Variants in ZBTB20 observed in about 807,000 individuals in gnomAD.
ZBTB20 encodes zinc finger and BTB domain-containing protein 20.
A neutral mutation model predicts 56.9 loss-of-function variants in ZBTB20; 9 were observed. That is an observed-to-expected ratio of 0.16 (90% CI 0.10 to 0.28). ZBTB20 has a LOEUF of 0.28. Ranked by LOEUF, ZBTB20 falls within the 10% of genes least tolerant of loss-of-function variation. The pLI, the probability that ZBTB20 is intolerant of heterozygous loss-of-function variation, is 1.00. For missense variants in ZBTB20, 655 were observed against 1,003.0 expected, an observed-to-expected ratio of 0.65 and a Z score of 4.69; for synonymous variants, 417 against 420.7, an observed-to-expected ratio of 0.99 and a Z score of 0.11.
At chr3:114,699,757 T>C (rs1321513522) in intron 5 of ZBTB20, among the ~76,000 whole-genome samples, 1 of 152,130 alleles carries the variant, frequency 6.6e-6, no homozygotes, top group African/African-American at 2.4e-5. Flanking sequence ...TCTGGCAATA[T>C]GTCAACAAGA....
intron 1 of ZBTB20, among the ~76,000 whole-genome samples, chr3:115,103,274 C>T (rs2083633660): frequency 6.6e-6 from 1 of 152,118 alleles, no homozygotes; most frequent in Admixed American, 6.5e-5. Flanking sequence ...CTGGTTCTGT[C>T]CCAAATTGAT....
At chr3:115,026,099 T>C (rs547102463) in intron 2 of ZBTB20, among the ~76,000 whole-genome samples, 1 of 151,018 alleles carries the variant, frequency 6.6e-6, no homozygotes, top group Non-Finnish European at 1.5e-5. Flanking sequence ...TGAGAGACAC[T>C]GAAGACCCAG....
chr3:115,033,053 G>A (rs886233017), intron 2 of ZBTB20, among the ~76,000 whole-genome samples: 1 of 144,482 alleles, frequency 6.9e-6, no homozygotes, highest in Non-Finnish European at 1.5e-5. Flanking sequence ...AGAAAAATAA[G>A]ATAAAACCAA....
chr3:114,988,533 C>T (rs1338446048), intron 2 of ZBTB20, among the ~76,000 whole-genome samples: 2 of 152,086 alleles, frequency 1.3e-5, no homozygotes, highest in Admixed American at 6.6e-5. Context: ...CAAGTCTTTG[C>T]TATTGTGAAT....
At chr3:115,044,704 A>C (rs77448080) in intron 2 of ZBTB20, among the ~76,000 whole-genome samples, 3,024 of 152,348 alleles carry the variant, frequency 0.02, 39 homozygotes, top group South Asian at 0.032. Context: ...AGTTTAAAAC[A>C]TACCTGAGGT....
At chr3:114,630,476 C>T (rs1371964920) in intron 6 of ZBTB20, among the ~76,000 whole-genome samples, 1 of 152,056 alleles carries the variant, frequency 6.6e-6, no homozygotes, top group Non-Finnish European at 1.5e-5. Context: ...TGTGTGTGTA[C>T]GTGTGTGTGT....
rs2079556332 is a variant in ZBTB20 at position 114,338,873 on chromosome 3, CG to C, written c.*131del. 8.8e-7 allele frequency: 1 copy of C among 1,130,336 alleles called. No homozygotes were observed. The highest frequency in any genetic ancestry group is 2.6e-5 in the East Asian group (1 of 38,916). 70.0% of individuals were successfully genotyped at this position (1,130,336 alleles called of 1,614,324 possible). On this transcript the variant is annotated 3_prime_UTR_variant, in exon 12 of 12. Transcript: ENST00000675478. The stretch of plus-strand genomic sequence containing the variant: ...GTTCTTCATGTAGTACAAAATGAAA[CG>C]AAACAAAAACAAAAACAGAAAGTAA...
intron 7 of ZBTB20, among the ~76,000 whole-genome samples, chr3:114,484,086 G>A (rs762142291): frequency 3.9e-5 from 6 of 152,148 alleles, no homozygotes; most frequent in Non-Finnish European, 8.8e-5. Flanking sequence ...TGAGGACGTT[G>A]CAGCCTTTAA....
intron 3 of ZBTB20, among the ~76,000 whole-genome samples, chr3:114,910,301 G>A (rs113441019): frequency 6.0e-5 from 9 of 148,862 alleles, no homozygotes; most frequent in East Asian, 3.9e-4. Flanking sequence ...ACACATGCAC[G>A]CGTGCACACA....
Position 114,499,222 on chromosome 3 carries a change from C to A in ZBTB20, c.-255+1130G>T, listed in dbSNP as rs1363948410. On this transcript the variant is annotated intron_variant, in intron 7 of 11. Transcript: ENST00000675478. ...AGGACCCACCCCTGTTGTATAAATG[C>A]ATTACACACAGCTCCAGTCTTTGGG... is the stretch of plus-strand genomic sequence containing the variant. 2.6e-5 allele frequency among the ~76,000 whole-genome samples: 4 copies of A among 152,260 alleles called. No homozygotes were observed. In the South Asian group the frequency reaches 8.3e-4, roughly 32 times the overall value.
chr3:115,065,728 T>A (rs1177865394), intron 2 of ZBTB20, among the ~76,000 whole-genome samples: 1 of 152,194 alleles, frequency 6.6e-6, no homozygotes, highest in Non-Finnish European at 1.5e-5. Context: ...TTCAACCCTC[T>A]TATTTTATAA....
intron 2 of ZBTB20, among the ~76,000 whole-genome samples, chr3:115,054,948 TAGA>T (rs1422979646): frequency 1.3e-5 from 2 of 152,090 alleles, no homozygotes; most frequent in Non-Finnish European, 2.9e-5. Context: ...CTAATCCATG[TAGA>T]AGGTCTTCAA....
intron 7 of ZBTB20, among the ~76,000 whole-genome samples, chr3:114,410,707 A>T (rs2087856216): frequency 6.6e-6 from 1 of 152,240 alleles, no homozygotes; most frequent in African/African-American, 2.4e-5. Context: ...AGGATGTCAC[A>T]TCGTGGGGGT....
chr3:114,575,580 C>T (rs897687999), intron 6 of ZBTB20, among the ~76,000 whole-genome samples: 3 of 137,112 alleles, frequency 2.2e-5, no homozygotes, highest in African/African-American at 8.6e-5. Context: ...TGAAGAACTA[C>T]CTTTAAAAAA....
intron 7 of ZBTB20, among the ~76,000 whole-genome samples, chr3:114,433,219 G>A (rs2090250849): frequency 6.6e-6 from 1 of 152,176 alleles, no homozygotes; most frequent in Admixed American, 6.5e-5. Flanking sequence ...CCACGTCTAA[G>A]CTCAAGTCAG....
At chr3:115,018,179 T>C (rs1230198316) in intron 2 of ZBTB20, among the ~76,000 whole-genome samples, 1 of 151,476 alleles carries the variant, frequency 6.6e-6, no homozygotes, top group Non-Finnish European at 1.5e-5. Flanking sequence ...CTCAGTTGCC[T>C]GGAATTTATG....
chr3:114,795,929 T>C (rs1394079354), intron 5 of ZBTB20, among the ~76,000 whole-genome samples: 1 of 152,034 alleles, frequency 6.6e-6, no homozygotes, highest in Non-Finnish European at 1.5e-5. Context: ...TTTTGTTTTC[T>C]AGTAAAGGAA....
intron 4 of ZBTB20, among the ~76,000 whole-genome samples, chr3:114,808,093 T>C (rs1252060469): frequency 6.6e-6 from 1 of 152,160 alleles, no homozygotes; most frequent in East Asian, 1.9e-4. Context: ...GTCATCTACA[T>C]CTAGGATTTT....
chr3:114,512,165 G>C (rs1215884943), intron 6 of ZBTB20, among the ~76,000 whole-genome samples: 2 of 80,012 alleles, frequency 2.5e-5, no homozygotes, highest in African/African-American at 9.3e-5. Context: ...AAATAGACAG[G>C]GATAGGAATA....
Sources: gnomAD v4.1 joint callset for allele counts (sites outside exome capture counted in the v4.1 genomes callset) on GRCh38, gnomAD v4.1.1 for gene constraint, MANE v1.5 for transcripts, NCBI Gene and HGNC (gene_info 2026-07-23, HGNC 2026-07-21) for gene names.